Variants in FSTL5 observed in about 807,000 individuals in gnomAD.
FSTL5 encodes follistatin-related protein 5.
A neutral mutation model predicts 89.1 loss-of-function variants in FSTL5; 62 were observed. That is an observed-to-expected ratio of 0.70 (90% CI 0.57 to 0.86). FSTL5 has a LOEUF of 0.86. FSTL5 is among the 40% of genes least tolerant of loss of function. The probability of loss-of-function intolerance (pLI) is 0.00; values close to 1 mark genes in which losing one functional copy is unlikely to be tolerated. For missense variants in FSTL5, 1,057 were observed against 1,001.6 expected (o/e 1.06, Z -0.75); for synonymous variants, 383 against 346.2 (o/e 1.11, Z -1.18).
chr4:161,676,525 G>C (rs1172726923), intron 6 of FSTL5, among the ~76,000 whole-genome samples: 1 of 151,990 alleles, frequency 6.6e-6, no homozygotes, highest in Admixed American at 6.6e-5. Flanking sequence ...CTAGGGGAGG[G>C]ATAGCATTAG....
At chr4:161,927,128 T>C (rs943019404) in intron 3 of FSTL5, among the ~76,000 whole-genome samples, 7 of 151,792 alleles carry the variant, frequency 4.6e-5, no homozygotes, top group Admixed American at 1.3e-4. Context: ...GCTGCCACTG[T>C]CATCTATAAA....
At chr4:161,423,849 T>A (rs1732075308) in intron 15 of FSTL5, among the ~76,000 whole-genome samples, 1 of 150,162 alleles carries the variant, frequency 6.7e-6, no homozygotes, top group Non-Finnish European at 1.5e-5. Flanking sequence ...TTTATTTTAT[T>A]TTATTTTATT....
chr4:161,850,322 A>G (rs2126879996), intron 4 of FSTL5, among the ~76,000 whole-genome samples: 1 of 152,312 alleles, frequency 6.6e-6, no homozygotes, highest in Non-Finnish European at 1.5e-5. Context: ...AGGGAAGGAA[A>G]CTAAAATTCA....
intron 3 of FSTL5, among the ~76,000 whole-genome samples, chr4:161,967,494 G>A (rs1234237304): frequency 6.6e-6 from 1 of 151,632 alleles, no homozygotes; most frequent in Non-Finnish European, 1.5e-5. Flanking sequence ...TTTATGAAGA[G>A]GAAAGTTTAA....
In FSTL5 at chr4:161,384,595, A is replaced by G. The variant is rs913580729; in HGVS notation, c.*1152T>C. 2.0e-5 allele frequency: 3 copies of G among 152,148 alleles called. No homozygotes were observed. Among genetic ancestry groups the G allele is most frequent in the African/African-American group, 7.2e-5 (3 of 41,456 alleles). The allele number at this position is 152,148 out of a possible 1,614,324, so 9.4% of individuals were successfully genotyped here. A position where few individuals can be genotyped will look rare whatever the true frequency, so the allele number is the denominator to read the frequency against. On this transcript the variant is annotated 3_prime_UTR_variant, in exon 16 of 16. Transcript: ENST00000306100. ...GATTACAAGAAGATGGATAAAAGGA[A>G]TCATTTGTGGAAATTTTAGAATAAA...
intron 15 of FSTL5, among the ~76,000 whole-genome samples, chr4:161,444,137 C>T (rs138930907): frequency 2.6e-5 from 4 of 151,362 alleles, no homozygotes; most frequent in Non-Finnish European, 4.4e-5. Context: ...AGTAGAGAAC[C>T]GTATGGCAAA....
intron 3 of FSTL5, among the ~76,000 whole-genome samples, chr4:161,964,297 G>A (rs781621017): frequency 5.9e-5 from 9 of 152,108 alleles, no homozygotes; most frequent in Admixed American, 1.3e-4. Flanking sequence ...ACTTCAGCTC[G>A]ATGATACTGG....
intron 7 of FSTL5, among the ~76,000 whole-genome samples, chr4:161,594,453 G>A (rs1404857376): frequency 6.6e-6 from 1 of 151,936 alleles, no homozygotes; most frequent in Non-Finnish European, 1.5e-5. Context: ...GTATAATCAA[G>A]ATTCCTTCAC....
chr4:161,931,000 T>C (rs1233711855), intron 3 of FSTL5, among the ~76,000 whole-genome samples: 4 of 151,874 alleles, frequency 2.6e-5, no homozygotes. Context: ...CTTAACTCTG[T>C]CTAGTAGGGC....
intron 3 of FSTL5, among the ~76,000 whole-genome samples, chr4:162,016,644 G>A (rs555912909): frequency 1.3e-5 from 2 of 152,054 alleles, no homozygotes; most frequent in Non-Finnish European, 2.9e-5. Flanking sequence ...TTCTCTAATG[G>A]CTTCCCCAGG....
intron 15 of FSTL5, among the ~76,000 whole-genome samples, chr4:161,401,028 T>G (rs1179294870): frequency 6.6e-6 from 1 of 152,184 alleles, no homozygotes; most frequent in Non-Finnish European, 1.5e-5. Context: ...ATTTGATGAT[T>G]TCCATTTTGA....
chr4:161,402,882 C>A (rs1731230312), intron 15 of FSTL5, among the ~76,000 whole-genome samples: 1 of 150,818 alleles, frequency 6.6e-6, no homozygotes, highest in African/African-American at 2.4e-5. Context: ...AGTGCAGTGG[C>A]ATGATCTTGG....
Position 161,542,652 on chromosome 4 carries a change from C to G in FSTL5, c.1057G>C (p.Glu353Gln). The G allele has an allele frequency of 1.3e-6, 2 of 1,545,630 alleles. No homozygotes were observed. The highest frequency in any genetic ancestry group is 4.8e-5 in the East Asian group (2 of 41,244). ...IRVYPESQAR[E>Q]PGVTASLRCH... ...CTAAGACTGGCAGTTACCCCAGGCT[C>G]TCTAGCCTGACTCTCTGGATACACC... The change falls in exon 9 of 16, where the codon GAG (glutamate) becomes CAG (glutamine). Residue 353 changes from glutamate to glutamine, a missense_variant. Around this residue, in one of 3 missense-constraint regions of FSTL5, gnomAD observed 980 missense variants for 903.2 expected, o/e 1.08. Transcript: ENST00000306100.
intron 3 of FSTL5, among the ~76,000 whole-genome samples, chr4:162,000,605 A>AAAAAC (rs1736435813): frequency 6.6e-6 from 1 of 151,256 alleles, no homozygotes; most frequent in Non-Finnish European, 1.5e-5. Context: ...CTAAAAAAAA[A>AAAAAC]AAAAACAAAA....
chr4:162,045,857 A>G lies in FSTL5; in HGVS notation c.127-12199T>C, dbSNP rs1738153119. 2.0e-5 allele frequency among the ~76,000 whole-genome samples: 3 copies of G among 152,170 alleles called. No homozygotes were observed. The South Asian group carries it at 6.2e-4, about 31-fold the overall frequency. On this transcript the variant is annotated intron_variant, in intron 2 of 15. Coordinates refer to ENST00000306100, the MANE Select transcript of FSTL5 (RefSeq NM_020116.5). ...ACAATGTTTGTTAGTATTCTTAGGC[A>G]ACATTCCCTAGTGAAAGAATTAACT...
intron 4 of FSTL5, among the ~76,000 whole-genome samples, chr4:161,784,755 G>T (rs1975224): frequency 2.0e-5 from 3 of 151,424 alleles, no homozygotes; most frequent in Non-Finnish European, 2.9e-5. Flanking sequence ...TTAGCCGGAC[G>T]TGGTGGCGGG....
chr4:161,898,725 GT>G (rs1560905658), intron 4 of FSTL5, among the ~76,000 whole-genome samples: 1 of 151,238 alleles, frequency 6.6e-6, no homozygotes, highest in African/African-American at 2.4e-5. Context: ...CGCCTCCCGG[GT>G]TCATGCCATT....
intron 2 of FSTL5, among the ~76,000 whole-genome samples, chr4:162,078,214 T>C (rs1209582844): frequency 6.6e-6 from 1 of 151,758 alleles, no homozygotes; most frequent in Non-Finnish European, 1.5e-5. Context: ...TTTCTGAAGG[T>C]CTCTCCTTTA....
At chr4:162,143,990 A>G (rs1732870403) in intron 1 of FSTL5, among the ~76,000 whole-genome samples, 1 of 152,164 alleles carries the variant, frequency 6.6e-6, no homozygotes, top group Admixed American at 6.5e-5. Context: ...AAAGCTCAAG[A>G]TATTGAACCT....
Sources: allele counts gnomAD v4.1 joint callset (sites outside exome capture counted in the v4.1 genomes callset), GRCh38; gene constraint gnomAD v4.1.1; regional missense constraint gnomAD v4.1.1; transcripts MANE v1.5; gene names NCBI Gene and HGNC (gene_info 2026-07-23, HGNC 2026-07-21).